The following SHROOM4 variants were observed in gnomAD, a reference collection of about 807,000 sequenced individuals.
SHROOM4 encodes the protein protein Shroom4.
A neutral mutation model predicts 80.3 loss-of-function variants in SHROOM4; 17 were observed. That is an observed-to-expected ratio of 0.21 (90% CI 0.14 to 0.32). The LOEUF is 0.32. Ranked by LOEUF, SHROOM4 falls within the 10% of genes least tolerant of loss-of-function variation. The probability of loss-of-function intolerance (pLI) is 1.00; values close to 1 mark genes in which losing one functional copy is unlikely to be tolerated. For missense variants in SHROOM4, 993 were observed against 1,140.3 expected, an observed-to-expected ratio of 0.87 and a Z score of 1.86; for synonymous variants, 400 against 437.5, an observed-to-expected ratio of 0.91 and a Z score of 1.07.
At position 50,661,680 on chromosome X, in the gene SHROOM4, T is replaced by C. The variant is rs1031036439; in HGVS notation, c.270-23372A>G. ...TTAATTACTGTAATTTTATAATATG[T>C]TTTAACAGGACTAGCTGCTTTGTCT... On this transcript the variant is annotated intron_variant, in intron 2 of 8. Transcript: ENST00000376020. 8.0e-5 allele frequency among the ~76,000 whole-genome samples: 9 copies of C among 112,503 alleles called. 1 individual carries two copies. Among genetic ancestry groups the C allele is most frequent in the Middle Eastern group, 9.2e-3 (2 of 218 alleles).
At position 50,596,770 on chromosome X, in the gene SHROOM4, C is replaced by T. The variant is rs781955841; in HGVS notation, c.4407G>A (p.Glu1469=). ...GCTCTTCCCCGAGCTTGATCTTCTC[C>T]TCCAGCTCTCGCTGTTCAATGATGA... is the stretch of plus-strand genomic sequence containing the variant. ...SALIIEQREL[E]EKIKLGEEQL... is the part of the protein sequence containing the mutation. The change falls in exon 9 of 9, where the codon GAG becomes GAA. Residue 1469 remains glutamate (E), a synonymous_variant. Transcript: ENST00000376020. The T allele has an allele frequency of 7.4e-6, 9 of 1,211,906 alleles. No homozygotes were observed. Among genetic ancestry groups the T allele is most frequent in the South Asian group, 1.8e-5 (1 of 56,966 alleles).
chrX:50,717,374 C>T (rs927147962), intron 1 of SHROOM4, among the ~76,000 whole-genome samples: 11 of 111,730 alleles, frequency 9.8e-5, no homozygotes, highest in Non-Finnish European at 3.8e-5. Context: ...ACCGCCACCA[C>T]ACCCAGCTAA....
At chrX:50,650,498 G>A (rs781982407) in intron 2 of SHROOM4, among the ~76,000 whole-genome samples, 2 of 110,138 alleles carry the variant, frequency 1.8e-5, no homozygotes, top group East Asian at 5.7e-4. Context: ...CTGCAGGCAC[G>A]TGCCACCACG....
intron 1 of SHROOM4, among the ~76,000 whole-genome samples, chrX:50,751,080 A>G (rs1293346801): frequency 8.9e-6 from 1 of 112,413 alleles, no homozygotes; most frequent in African/African-American, 3.2e-5. Flanking sequence ...TTTTAAAAGC[A>G]GTATTAACTT....
At chrX:50,773,090 C>A (rs1167881379) in intron 1 of SHROOM4, among the ~76,000 whole-genome samples, 1 of 112,333 alleles carries the variant, frequency 8.9e-6, no homozygotes, top group Non-Finnish European at 1.9e-5. Flanking sequence ...CATTATTGAG[C>A]AATGACTATG....
At position 50,634,101 on chromosome X, in the gene SHROOM4, T is replaced by C. The variant is rs188714648; in HGVS notation, c.1972A>G (p.Met658Val). The change falls in exon 4 of 9, where the codon ATG (methionine) becomes GTG (valine). Residue 658 changes from methionine (M) to valine (V), a missense_variant. By Grantham distance (21) the Met-to-Val change is conservative. Transcript: ENST00000376020. ...TCGGAAGACCTAGCTCTGAGCATCA[T>C]GCTTTTGTTGAAGAGCTTGTCTCTG... ...SPRDKLFNKS[M>V]MLRARSSECL... is the part of the protein sequence containing the mutation. The C allele has an allele frequency of 4.6e-4, 556 of 1,210,088 alleles. 2 individuals carry two copies. In the South Asian group the frequency reaches 9.3e-3, roughly 20 times the overall value.
chrX:50,694,698 A>G (rs1261490914), intron 2 of SHROOM4, among the ~76,000 whole-genome samples: 1 of 108,174 alleles, frequency 9.2e-6, no homozygotes, highest in Non-Finnish European at 1.9e-5. Flanking sequence ...GACTTTGACA[A>G]TTAGGCAATA....
intron 7 of SHROOM4, among the ~76,000 whole-genome samples, chrX:50,600,227 T>C (rs1251735534): frequency 8.9e-6 from 1 of 111,839 alleles, no homozygotes; most frequent in Non-Finnish European, 1.9e-5. Context: ...TATTATTAAA[T>C]TAGTTCTACA....
Position 50,634,938 on chromosome X carries a change from C to T in SHROOM4, c.1135G>A (p.Val379Met), listed in dbSNP as rs376491533. 8.8e-5 allele frequency: 107 copies of T among 1,209,347 alleles called. No individual in the cohort carries two copies. The highest frequency in any genetic ancestry group is 6.9e-4 in the Middle Eastern group (3 of 4,367). ...SPKACDRASS[V>M]DSNPLNEASA... is the part of the protein sequence containing the mutation. ...GCCTCATTGAGTGGGTTGGAATCCA[C>T]GCTGGAAGCTCTGTCACAGGCTTTT... Residue 379 changes from valine (V) to methionine (M), a missense_variant, in exon 4 of 9, where the codon GTG becomes ATG. Val to Met is a conservative substitution (Grantham distance 21). Transcript: ENST00000376020.
At chrX:50,751,788 A>C (rs1319247750) in intron 1 of SHROOM4, among the ~76,000 whole-genome samples, 1 of 112,150 alleles carries the variant, frequency 8.9e-6, no homozygotes. Flanking sequence ...AGTAAGATCT[A>C]AGACAGTAGT....
chrX:50,759,299 G>A (rs1557268650), intron 1 of SHROOM4, among the ~76,000 whole-genome samples: 2 of 111,913 alleles, frequency 1.8e-5, no homozygotes, highest in African/African-American at 6.5e-5. Flanking sequence ...AAGACCAGGT[G>A]AAAACATATT....
intron 2 of SHROOM4, among the ~76,000 whole-genome samples, chrX:50,673,892 C>G (rs1437515483): frequency 9.3e-6 from 1 of 107,247 alleles, no homozygotes; most frequent in African/African-American, 3.4e-5. Context: ...ACAAACAAAA[C>G]AAGTTCAGCA....
chrX:50,681,123 TA>T (rs1228835491), intron 2 of SHROOM4, among the ~76,000 whole-genome samples: 1 of 110,714 alleles, frequency 9.0e-6, no homozygotes, highest in Non-Finnish European at 1.9e-5. Flanking sequence ...TCCGACTCAT[TA>T]CCATCTCTTG....
chrX:50,613,579 G>C (rs1219320321), intron 5 of SHROOM4, among the ~76,000 whole-genome samples: 7 of 111,900 alleles, frequency 6.3e-5, no homozygotes, highest in African/African-American at 2.3e-4. Flanking sequence ...ATAAAGGTAA[G>C]ATGCCTAGAA....
In SHROOM4 at chrX:50,604,584, A is replaced by G. The variant is rs901844921; in HGVS notation, c.3762-1771T>C. ...GAAGGTCTGAACTTAGGGAATTCCT[A>G]TCTACAAGAAAAATATTTAGGGTAT... On this transcript the variant is annotated intron_variant, in intron 6 of 8. Coordinates refer to ENST00000376020, the MANE Select transcript of SHROOM4 (RefSeq NM_020717.5). 9.8e-5 allele frequency among the ~76,000 whole-genome samples: 11 copies of G among 112,224 alleles called. No individual in the cohort carries two copies. In the South Asian group the frequency reaches 3.7e-3, roughly 38 times the overall value.
intron 1 of SHROOM4, among the ~76,000 whole-genome samples, chrX:50,810,065 T>C (rs1936300234): frequency 9.0e-6 from 1 of 111,355 alleles, no homozygotes; most frequent in South Asian, 3.9e-4. Flanking sequence ...CAGCCTGGAA[T>C]TCCTGGGCTC....
chrX:50,684,166 T>C (rs1000897431), intron 2 of SHROOM4, among the ~76,000 whole-genome samples: 4 of 111,562 alleles, frequency 3.6e-5, no homozygotes, highest in Admixed American at 9.5e-5. Flanking sequence ...CAGATGTAAT[T>C]AGTTATTATG....
In SHROOM4 at chrX:50,813,917, C is replaced by A. The variant is rs782432452; in HGVS notation, c.102G>T (p.Pro34=). Residue 34 remains proline (P), a synonymous_variant, in exon 1 of 9, where the codon CCG becomes CCT. Transcript: ENST00000376020. ...TLKGGLEHCE[P]LTVSKIEDGG... ...CAGTTCTTACCTTAGACACTGTGAG[C>A]GGCTCACAGTGTTCCAGACCCCCCT... 8.4e-7 allele frequency: 1 copy of A among 1,196,416 alleles called. No homozygotes were observed. Among genetic ancestry groups the A allele is most frequent in the Non-Finnish European group, 1.1e-6 (1 of 883,072 alleles).
intron 1 of SHROOM4, among the ~76,000 whole-genome samples, chrX:50,757,219 G>A (rs1557268450): frequency 8.9e-6 from 1 of 112,176 alleles, no homozygotes; most frequent in African/African-American, 3.2e-5. Context: ...ATATTCTACC[G>A]CCTGAACACC....
Sources: allele counts gnomAD v4.1 joint callset (sites outside exome capture counted in the v4.1 genomes callset), GRCh38; gene constraint gnomAD v4.1.1; transcripts MANE v1.5; gene names NCBI Gene and HGNC (gene_info 2026-07-23, HGNC 2026-07-21).